FAT3: variants seen among roughly 807,000 people sequenced by gnomAD.
FAT3 encodes FAT atypical cadherin 3, also known as protocadherin Fat 3.
A neutral mutation model predicts 310.2 loss-of-function variants in FAT3; 95 were observed. The observed-to-expected ratio is 0.31, with a 90% CI of 0.26 to 0.36. The LOEUF (loss-of-function observed/expected upper bound fraction) is 0.36. FAT3 is among the 10% of genes least tolerant of loss of function. The pLI, the probability that FAT3 is intolerant of heterozygous loss-of-function variation, is 1.00. For synonymous variants in FAT3, 2,314 were observed against 2,192.9 expected (o/e 1.06, Z -1.54); for missense variants, 5,408 against 5,715.6 (o/e 0.95, Z 1.74).
chr11:92,330,148 G>C (rs937382257), intron 1 of FAT3, among the ~76,000 whole-genome samples: 2 of 152,200 alleles, frequency 1.3e-5, no homozygotes, highest in Admixed American at 1.3e-4. Flanking sequence ...AAGACCTTCA[G>C]ATGCACTAAA....
At chr11:92,782,299 T>C (rs976318619) in intron 7 of FAT3, among the ~76,000 whole-genome samples, 1 of 152,060 alleles carries the variant, frequency 6.6e-6, no homozygotes, top group Non-Finnish European at 1.5e-5. Flanking sequence ...AGACCCTGTC[T>C]CTAAAAAAAT....
intron 3 of FAT3, among the ~76,000 whole-genome samples, chr11:92,687,246 C>T (rs1185489451): frequency 3.3e-5 from 5 of 152,148 alleles, no homozygotes; most frequent in Admixed American, 6.5e-5. Flanking sequence ...CTCTGAGGAA[C>T]CTAGTATTGT....
chr11:92,548,156 A>G (rs2099003756), intron 3 of FAT3, among the ~76,000 whole-genome samples: 1 of 152,228 alleles, frequency 6.6e-6, no homozygotes, highest in South Asian at 2.1e-4. Flanking sequence ...AGTCAGATAT[A>G]TCTGAACTTA....
chr11:92,310,552 G>T (rs912662681), intron 1 of FAT3, among the ~76,000 whole-genome samples: 1 of 152,064 alleles, frequency 6.6e-6, no homozygotes, highest in Non-Finnish European at 1.5e-5. Flanking sequence ...AAATTTAAGA[G>T]ATGCAAGTGT....
At chr11:92,827,702 A>C (rs1948136766) in intron 13 of FAT3, among the ~76,000 whole-genome samples, 1 of 152,224 alleles carries the variant, frequency 6.6e-6, no homozygotes, top group African/African-American at 2.4e-5. Context: ...GATGTCTTTC[A>C]CAACCCATTC....
chr11:92,763,328 G>A (rs1439048780), intron 5 of FAT3, among the ~76,000 whole-genome samples: 1 of 152,022 alleles, frequency 6.6e-6, no homozygotes, highest in Non-Finnish European at 1.5e-5. Flanking sequence ...CAGAACAGTG[G>A]GCAGAGAAAA....
At chr11:92,744,827 C>T (rs1945611491) in intron 4 of FAT3, among the ~76,000 whole-genome samples, 1 of 152,136 alleles carries the variant, frequency 6.6e-6, no homozygotes, top group Non-Finnish European at 1.5e-5. Flanking sequence ...TGATCTCTAC[C>T]TTAGTCTATT....
intron 2 of FAT3, among the ~76,000 whole-genome samples, chr11:92,417,510 G>T (rs1950441537): frequency 2.0e-5 from 3 of 152,170 alleles, no homozygotes; most frequent in Admixed American, 2.0e-4. Flanking sequence ...TATGCTTAAG[G>T]TAAATAATAA....
At chr11:92,503,059 A>C (rs1161139598) in intron 2 of FAT3, among the ~76,000 whole-genome samples, 1 of 152,076 alleles carries the variant, frequency 6.6e-6, no homozygotes, top group African/African-American at 2.4e-5. Context: ...AAGTGAACTT[A>C]ATTAAGACTA....
intron 2 of FAT3, among the ~76,000 whole-genome samples, chr11:92,390,295 T>A (rs983519593): frequency 6.6e-6 from 1 of 151,854 alleles, no homozygotes; most frequent in Non-Finnish European, 1.5e-5. Flanking sequence ...AGGACTTGAG[T>A]AGGGAGCAGT....
At chr11:92,246,692 T>G (rs1465154183) in intron 1 of FAT3, among the ~76,000 whole-genome samples, 1 of 152,080 alleles carries the variant, frequency 6.6e-6, no homozygotes, top group Non-Finnish European at 1.5e-5. Flanking sequence ...TGGCAGCAAG[T>G]ATGCCAAATG....
intron 3 of FAT3, among the ~76,000 whole-genome samples, chr11:92,618,291 A>G (rs1231362388): frequency 6.6e-6 from 1 of 152,186 alleles, no homozygotes; most frequent in Non-Finnish European, 1.5e-5. Context: ...GGCGCGGGAT[A>G]CAATCTCCTG....
chr11:92,409,903 G>A (rs1260306739), intron 2 of FAT3, among the ~76,000 whole-genome samples: 1 of 152,158 alleles, frequency 6.6e-6, no homozygotes, highest in Non-Finnish European at 1.5e-5. Context: ...TGAATTCAGT[G>A]TAGTGGAGTG....
chr11:92,503,919 A>G (rs1388543259), intron 2 of FAT3, among the ~76,000 whole-genome samples: 1 of 152,132 alleles, frequency 6.6e-6, no homozygotes, highest in African/African-American at 2.4e-5. Flanking sequence ...CCCTTGAAGC[A>G]GTGTCATTTT....
chr11:92,426,101 T>C (rs777380033), intron 2 of FAT3, among the ~76,000 whole-genome samples: 2 of 152,210 alleles, frequency 1.3e-5, no homozygotes, highest in Non-Finnish European at 2.9e-5. Context: ...TGGAATCTCA[T>C]TGTGGTTTTG....
chr11:92,834,973 C>G lies in FAT3; in HGVS notation c.9975C>G (p.Ala3325=), dbSNP rs540557269. 6.2e-7 allele frequency: 1 copy of G among 1,613,566 alleles called. No individual in the cohort carries two copies. The highest frequency in any genetic ancestry group is 2.2e-5 in the East Asian group (1 of 44,870). Residue 3325 remains alanine, a synonymous_variant, in exon 15 of 28, where the codon GCC becomes GCG. Transcript: ENST00000525166. ...DGGTPALSAV[A]TVNINLTDVN... ...GCACCCCAGCTCTCAGCGCTGTGGC[C>G]ACTGTCAACATCAACCTCACAGATG...
intron 3 of FAT3, among the ~76,000 whole-genome samples, chr11:92,670,514 G>A (rs759090636): frequency 6.6e-6 from 1 of 152,206 alleles, no homozygotes; most frequent in Non-Finnish European, 1.5e-5. Flanking sequence ...GAAGCACTTT[G>A]TTAATGTGTC....
chr11:92,800,333 G>A lies in FAT3; in HGVS notation c.7320G>A (p.Thr2440=), dbSNP rs1361954440. 13 of 1,613,810 alleles carry A rather than the reference G, an allele frequency of 8.1e-6. No individual in the cohort carries two copies. Among genetic ancestry groups the A allele is most frequent in the South Asian group, 2.2e-5 (2 of 91,076 alleles). The part of the protein sequence containing the change: ...EYSILSGNDR[T]SFLMDSKSGV... Reference sequence around the variant, plus strand: ...GCATTTTATCTGGGAATGACCGGACGAGCTTTCTGATGGACAGCAAGAGTG... The same window carrying A: ...GCATTTTATCTGGGAATGACCGGACAAGCTTTCTGATGGACAGCAAGAGTG... The change falls in exon 10 of 28, where the codon ACG becomes ACA. Residue 2440 remains threonine (T), a synonymous_variant. Transcript: ENST00000525166.
chr11:92,465,797 G>T (rs1384462945), intron 2 of FAT3, among the ~76,000 whole-genome samples: 1 of 151,918 alleles, frequency 6.6e-6, no homozygotes, highest in Admixed American at 6.6e-5. Context: ...CACCAACATG[G>T]CACATGTATA....
Sources: gnomAD v4.1 joint callset for allele counts (sites outside exome capture counted in the v4.1 genomes callset) on GRCh38, gnomAD v4.1.1 for gene constraint, MANE v1.5 for transcripts, NCBI Gene and HGNC (gene_info 2026-07-23, HGNC 2026-07-21) for gene names.